Variants in ASAP1 observed in about 807,000 individuals in gnomAD.
ASAP1 encodes the protein arf-GAP with SH3 domain, ANK repeat and PH domain-containing protein 1.
In ASAP1, 43 loss-of-function variants were observed where a neutral mutation model predicts 145.2. The observed-to-expected ratio is 0.30, with a 90% CI of 0.23 to 0.38. ASAP1 has a LOEUF of 0.38. Ranked by LOEUF, ASAP1 falls within the 10% of genes least tolerant of loss-of-function variation. The pLI is 1.00. For synonymous variants in ASAP1, 546 were observed against 515.5 expected (o/e 1.06, Z -0.80); for missense variants, 1,018 against 1,355.3 (o/e 0.75, Z 3.91).
rs1319718920 is a variant in ASAP1, at chr8:130,187,378, C to T, written c.481-93G>A. Reference sequence around the variant, plus strand: ...ATGACATCTTAGCAAGAATTGTTTCCTTTATAGGACACTGGGAACTTCACT... The same window carrying T: ...ATGACATCTTAGCAAGAATTGTTTCTTTTATAGGACACTGGGAACTTCACT... On this transcript the variant is annotated intron_variant, in intron 6 of 29. Transcript: ENST00000518721. The T allele has an allele frequency of 3.8e-6, 4 of 1,050,232 alleles. No homozygotes were observed. In the African/African-American group the frequency reaches 4.9e-5, roughly 13 times the overall value. 65.1% of individuals were successfully genotyped at this position (1,050,232 alleles called of 1,614,324 possible). A position where few individuals can be genotyped will look rare whatever the true frequency, so the allele number is the denominator to read the frequency against.
chr8:130,235,030 A>C (rs1818132561), intron 4 of ASAP1, among the ~76,000 whole-genome samples: 2 of 152,136 alleles, frequency 1.3e-5, no homozygotes, highest in South Asian at 4.1e-4. Flanking sequence ...TTGTCCATAC[A>C]ATCCCCTGCA....
chr8:130,273,237 T>C (rs187104814), intron 3 of ASAP1, among the ~76,000 whole-genome samples: 9 of 152,320 alleles, frequency 5.9e-5, no homozygotes, highest in African/African-American at 2.2e-4. Flanking sequence ...TTTAGTGTTG[T>C]AATTATCATT....
chr8:130,116,627 C>T (rs767010438), intron 22 of ASAP1, 51 bp downstream of exon 22: 3 of 1,513,808 alleles, frequency 2.0e-6, no homozygotes, highest in South Asian at 1.1e-5. Flanking sequence ...CAGAATGACA[C>T]TTTTAAGGCA....
At chr8:130,341,011 GT>G in intron 3 of ASAP1, 1 of 416,928 alleles carries the variant, frequency 2.4e-6, no homozygotes, top group Non-Finnish European at 4.7e-6. Flanking sequence ...TGGAGGGGTG[GT>G]TTTTTAGAGT....
intron 7 of ASAP1, among the ~76,000 whole-genome samples, chr8:130,182,408 CTCACTTACA>C (rs1814417433): frequency 6.6e-6 from 1 of 152,192 alleles, no homozygotes; most frequent in African/African-American, 2.4e-5. Context: ...CTCTGTCTCC[CTCACTTACA>C]TAGCTTCCAA....
chr8:130,325,877 C>T (rs1824294302), intron 3 of ASAP1, among the ~76,000 whole-genome samples: 3 of 152,170 alleles, frequency 2.0e-5, no homozygotes. Flanking sequence ...ACAGTAATCA[C>T]AAGCTTTAGG....
intron 3 of ASAP1, among the ~76,000 whole-genome samples, chr8:130,281,499 A>G (rs529368401): frequency 1.3e-5 from 2 of 152,310 alleles, no homozygotes; most frequent in Admixed American, 6.5e-5. Flanking sequence ...ACAGGGGTTT[A>G]TATCTCCAAG....
At chr8:130,327,294 A>G (rs141254175) in intron 3 of ASAP1, among the ~76,000 whole-genome samples, 5 of 152,222 alleles carry the variant, frequency 3.3e-5, no homozygotes, top group Middle Eastern at 3.4e-3. Flanking sequence ...TCTCCCACCA[A>G]ACTGTTGTAC....
At chr8:130,133,750 A>G (rs1257026661) in intron 15 of ASAP1, among the ~76,000 whole-genome samples, 2 of 151,988 alleles carry the variant, frequency 1.3e-5, no homozygotes, top group African/African-American at 2.4e-5. Context: ...CCTTTCCACT[A>G]TATCACGCTC....
intron 3 of ASAP1, among the ~76,000 whole-genome samples, chr8:130,320,702 C>T (rs1429100745): frequency 1.3e-5 from 2 of 152,044 alleles, no homozygotes; most frequent in African/African-American, 4.8e-5. Flanking sequence ...GAAGAAGTAT[C>T]ATTCCTCTCT....
At chr8:130,140,037 G>GTT (rs113185605) in intron 13 of ASAP1, among the ~76,000 whole-genome samples, 18 of 138,660 alleles carry the variant, frequency 1.3e-4, no homozygotes, top group Non-Finnish European at 1.9e-4. Flanking sequence ...TCTCCTTTTT[G>GTT]TTTTTTTTTT....
At chr8:130,250,347 A>G (rs1260523116) in intron 3 of ASAP1, among the ~76,000 whole-genome samples, 1 of 152,202 alleles carries the variant, frequency 6.6e-6, no homozygotes, top group Non-Finnish European at 1.5e-5. Context: ...TTAACCCTGG[A>G]AAGCTTAACT....
intron 2 of ASAP1, among the ~76,000 whole-genome samples, chr8:130,372,136 T>A (rs1258838795): frequency 6.6e-6 from 1 of 152,222 alleles, no homozygotes; most frequent in East Asian, 1.9e-4. Flanking sequence ...AGTACAGGCA[T>A]TACATTTTAT....
At chr8:130,090,485 C>G (rs1047359342) in intron 25 of ASAP1, among the ~76,000 whole-genome samples, 2 of 152,186 alleles carry the variant, frequency 1.3e-5, no homozygotes, top group African/African-American at 4.8e-5. Context: ...GCTAGCACAC[C>G]TCAATTGTTC....
chr8:130,256,944 C>T (rs1355322020), intron 3 of ASAP1, among the ~76,000 whole-genome samples: 2 of 151,128 alleles, frequency 1.3e-5, no homozygotes, highest in Non-Finnish European at 3.0e-5. Context: ...TTTCCAATCC[C>T]AACATTTAAA....
At chr8:130,121,572 G>A (rs1006560388) in intron 18 of ASAP1, among the ~76,000 whole-genome samples, 5 of 151,856 alleles carry the variant, frequency 3.3e-5, no homozygotes, top group Admixed American at 2.6e-4. Flanking sequence ...ACCTGAGGTC[G>A]GGAGTTTGAG....
chr8:130,166,349 T>A (rs1293681823), intron 11 of ASAP1, among the ~76,000 whole-genome samples: 1 of 152,200 alleles, frequency 6.6e-6, no homozygotes, highest in African/African-American at 2.4e-5. Flanking sequence ...ACGTTTTTAA[T>A]TTCTCCCAGA....
At chr8:130,274,665 C>T (rs16904232) in intron 3 of ASAP1, among the ~76,000 whole-genome samples, 15,567 of 152,238 alleles carry the variant, frequency 0.1, 932 homozygotes, top group South Asian at 0.27. Context: ...CATTCAAGTC[C>T]GAGTGATCAA....
At chr8:130,178,481 A>T (rs962638457) in intron 9 of ASAP1, among the ~76,000 whole-genome samples, 1 of 152,276 alleles carries the variant, frequency 6.6e-6, no homozygotes, top group African/African-American at 2.4e-5. Context: ...GTGCCAGTGT[A>T]GAACAATGGT....
Sources: gnomAD v4.1 joint callset for allele counts (sites outside exome capture counted in the v4.1 genomes callset) on GRCh38, gnomAD v4.1.1 for gene constraint, MANE v1.5 for transcripts, NCBI Gene and HGNC (gene_info 2026-07-23, HGNC 2026-07-21) for gene names.